MAP3K4: variants seen among roughly 807,000 people sequenced by gnomAD.
MAP3K4 encodes mitogen-activated protein kinase kinase kinase 4.
MAP3K4 carries 67 observed loss-of-function variants against 185.6 expected under a neutral mutation model. The observed-to-expected ratio is 0.36, with a 90% CI of 0.30 to 0.44. MAP3K4 has a LOEUF of 0.44. Ranked by LOEUF, MAP3K4 falls within the 20% of genes least tolerant of loss-of-function variation. The pLI is 1.00. For missense variants in MAP3K4, 1,551 were observed against 1,995.1 expected (o/e 0.78, Z 4.24); for synonymous variants, 702 against 710.4 (o/e 0.99, Z 0.19).
chr6:161,097,098 C>A lies in MAP3K4; in HGVS notation c.3446C>A (p.Pro1149His). 6.2e-7 allele frequency: 1 copy of A among 1,614,096 alleles called. No homozygotes were observed. Among genetic ancestry groups the A allele is most frequent in the Non-Finnish European group, 8.5e-7 (1 of 1,180,004 alleles). ...CTGGCAGCCATTCATCGGAACAGCCCCCGTCCTATGAAGGTACCTCGATGC... is the reference window on the plus strand; with the variant it reads ...CTGGCAGCCATTCATCGGAACAGCCACCGTCCTATGAAGGTACCTCGATGC... ...GLYLAIHRNS[P>H]RPMKVPRCHS... Residue 1149 changes from proline to histidine, a missense_variant, in exon 16 of 27, where the codon CCC becomes CAC. Coordinates refer to ENST00000392142, the MANE Select transcript of MAP3K4 (RefSeq NM_005922.4). This position sits in a 1 kb window ranked among gnomAD's most constrained non-coding sequence, Gnocchi z 4.9.
chr6:161,110,036 T>C lies in MAP3K4; in HGVS notation c.4396+122T>C, dbSNP rs979873980. ...TTTCTCTAGATGGAAATACCTTTCA[T>C]TGAAATACGCCTCTATAAGGATCCT... On this transcript the variant is annotated intron_variant, in intron 23 of 26. Coordinates refer to ENST00000392142, the MANE Select transcript of MAP3K4 (RefSeq NM_005922.4). The surrounding 1 kb of genome is among the most constrained non-coding windows in gnomAD (Gnocchi z 4.8). 3.1e-5 allele frequency: 32 copies of C among 1,021,682 alleles called. No individual in the cohort carries two copies. The highest frequency in any genetic ancestry group is 4.7e-5 in the Non-Finnish European group (32 of 684,968). 63.3% of individuals were successfully genotyped at this position (1,021,682 alleles called of 1,614,324 possible).
chr6:161,073,660 T>G lies in MAP3K4; in HGVS notation c.2097+48T>G. ...TTTTCTTTCTTTCTTTGTTTCTTTT[T>G]TTAAAAAAGTAAGCCTGTATTTCCT... is the stretch of plus-strand genomic sequence containing the variant. On this transcript the variant is annotated intron_variant, in intron 5 of 26. Coordinates refer to ENST00000392142, the MANE Select transcript of MAP3K4 (RefSeq NM_005922.4). This position sits in a 1 kb window ranked among gnomAD's most constrained non-coding sequence, Gnocchi z 4.2. 6.3e-7 allele frequency: 1 copy of G among 1,579,498 alleles called. No individual in the cohort carries two copies. Among genetic ancestry groups the G allele is most frequent in the Non-Finnish European group, 8.6e-7 (1 of 1,163,234 alleles).
In MAP3K4 at chr6:161,049,577, C is replaced by G; in HGVS notation, c.1305C>G (p.Ser435=). The G allele has an allele frequency of 6.2e-7, 1 of 1,614,050 alleles. No homozygotes were observed. Among genetic ancestry groups the G allele is most frequent in the Non-Finnish European group, 8.5e-7 (1 of 1,180,016 alleles). ...PVFEIPSPRP[S]KGNEPEYEGD... ...TTGAAATCCCTTCCCCTCGACCATC[C>G]AAAGGTAATGAGCCGGAGTATGAGG... The change falls in exon 3 of 27, where the codon TCC becomes TCG. Residue 435 remains serine (S), a synonymous_variant. Coordinates refer to ENST00000392142, the MANE Select transcript of MAP3K4 (RefSeq NM_005922.4). This position sits in a 1 kb window ranked among gnomAD's most constrained non-coding sequence, Gnocchi z 8.4.
In MAP3K4 at chr6:160,996,965, C is replaced by T. The variant is rs1355744564; in HGVS notation, c.152+4882C>T. ...GCTTCTGAATGAGAGGCAGTGTGAT[C>T]CAGACTTACTCTTAGGTTTTTATTT... On this transcript the variant is annotated intron_variant, in intron 1 of 26. Transcript: ENST00000392142. The surrounding 1 kb of genome is among the most constrained non-coding windows in gnomAD (Gnocchi z 4.5). Among the ~76,000 whole-genome samples, 2 of 152,300 alleles carry T rather than the reference C, an allele frequency of 1.3e-5. No individual in the cohort carries two copies. The highest frequency in any genetic ancestry group is 4.8e-5 in the African/African-American group (2 of 41,552).
intron 23 of MAP3K4, 48 bp from the exon 24 acceptor site, chr6:161,111,788 C>T (rs1298048581): frequency 4.4e-6 from 7 of 1,595,722 alleles, no homozygotes; most frequent in East Asian, 4.5e-5. Context: ...TAACCTTGCC[C>T]ACATTGTGTT....
In MAP3K4 at chr6:161,080,307, G is replaced by GA. The variant is rs1785388017; in HGVS notation, c.2098-574_2098-573insA. 6.6e-6 allele frequency among the ~76,000 whole-genome samples: 1 copy of GA among 152,176 alleles called. No individual in the cohort carries two copies. Among genetic ancestry groups the GA allele is most frequent in the Non-Finnish European group, 1.5e-5 (1 of 68,042 alleles). ...AAATCTAAAGGAGGATTTAAGAACG[G>GA]GAAAGCTGTTGTAATAGGACTTGTG... is the stretch of plus-strand genomic sequence containing the variant. On this transcript the variant is annotated intron_variant, in intron 5 of 26. Transcript: ENST00000392142. The surrounding 1 kb of genome is among the most constrained non-coding windows in gnomAD (Gnocchi z 4.8).
At chr6:161,083,316 A>T (rs1287252155) in intron 6 of MAP3K4, among the ~76,000 whole-genome samples, 1 of 151,922 alleles carries the variant, frequency 6.6e-6, no homozygotes, top group Admixed American at 6.6e-5. Context: ...TGTTTTATTT[A>T]TTGTGTTTCT....
At chr6:161,021,796 G>A (rs1226681915) in intron 1 of MAP3K4, among the ~76,000 whole-genome samples, 1 of 152,154 alleles carries the variant, frequency 6.6e-6, no homozygotes, top group Non-Finnish European at 1.5e-5. Context: ...ATTGTTGAAT[G>A]AAATAAAGAC....
At position 161,108,556 on chromosome 6, in the gene MAP3K4, A is replaced by G. The variant is rs932272107; in HGVS notation, c.4120-187A>G. ...TCTTCCTCCTCTGTGCCCGGGACCTACCCGCACTTCTATGACTTCACTCTA... is the reference window on the plus strand; with the variant it reads ...TCTTCCTCCTCTGTGCCCGGGACCTGCCCGCACTTCTATGACTTCACTCTA... On this transcript the variant is annotated intron_variant, in intron 21 of 26. Coordinates refer to ENST00000392142, the MANE Select transcript of MAP3K4 (RefSeq NM_005922.4). This position sits in a 1 kb window ranked among gnomAD's most constrained non-coding sequence, Gnocchi z 5.7. Among the ~76,000 whole-genome samples, 5 of 152,148 alleles carry G rather than the reference A, an allele frequency of 3.3e-5. No individual in the cohort carries two copies. Among genetic ancestry groups the G allele is most frequent in the African/African-American group, 1.2e-4 (5 of 41,492 alleles).
At chr6:161,006,439 A>C (rs1328838405) in intron 1 of MAP3K4, among the ~76,000 whole-genome samples, 3 of 152,210 alleles carry the variant, frequency 2.0e-5, no homozygotes, top group Non-Finnish European at 4.4e-5. Flanking sequence ...AATCATATAC[A>C]TAGTAATTAT....
At position 161,087,176 on chromosome 6, in the gene MAP3K4, C is replaced by G. The variant is rs1277731136; in HGVS notation, c.2556+509C>G. 6.6e-6 allele frequency among the ~76,000 whole-genome samples: 1 copy of G among 152,114 alleles called. No homozygotes were observed. The stretch of plus-strand genomic sequence containing the variant: ...TTTATCCCAAGCCCACAGTTGTATC[C>G]CGCTCCCATACTGAGAGTGGGAGGG... On this transcript the variant is annotated intron_variant, in intron 9 of 26. Coordinates refer to ENST00000392142, the MANE Select transcript of MAP3K4 (RefSeq NM_005922.4). This position sits in a 1 kb window ranked among gnomAD's most constrained non-coding sequence, Gnocchi z 4.9.
chr6:161,062,495 G>A (rs1784526799), intron 3 of MAP3K4, among the ~76,000 whole-genome samples: 1 of 152,156 alleles, frequency 6.6e-6, no homozygotes, highest in South Asian at 2.1e-4. Context: ...AGTCTCTTGA[G>A]TCATTCTGGT....
At chr6:161,026,015 G>A (rs11757882) in intron 1 of MAP3K4, among the ~76,000 whole-genome samples, 7,135 of 152,286 alleles carry the variant, frequency 0.047, 212 homozygotes, top group South Asian at 0.089. Flanking sequence ...TTTCATGGTA[G>A]AATGTACCCA....
chr6:161,047,056 T>C (rs1783759933), intron 2 of MAP3K4, among the ~76,000 whole-genome samples: 1 of 146,962 alleles, frequency 6.8e-6, no homozygotes, highest in South Asian at 2.1e-4. Context: ...TAATTGGAAT[T>C]TTTATTTATT....
Position 161,054,785 on chromosome 6 carries a change from A to C in MAP3K4, c.1707+4806A>C, listed in dbSNP as rs1287377206. Among the ~76,000 whole-genome samples the C allele has an allele frequency of 6.6e-6, 1 of 152,232 alleles. No individual in the cohort carries two copies. The highest frequency in any genetic ancestry group is 1.9e-4 in the East Asian group (1 of 5,202). On this transcript the variant is annotated intron_variant, in intron 3 of 26. Coordinates refer to ENST00000392142, the MANE Select transcript of MAP3K4 (RefSeq NM_005922.4). The surrounding 1 kb of genome is among the most constrained non-coding windows in gnomAD (Gnocchi z 4.2). ...GTAAATAAGAGAGTCTCAGATTATC[A>C]AATGAAACTTATTTAAATCCATGTA...
At chr6:161,000,697 C>T (rs1040589511) in intron 1 of MAP3K4, among the ~76,000 whole-genome samples, 1 of 151,894 alleles carries the variant, frequency 6.6e-6, no homozygotes, top group Admixed American at 6.6e-5. Context: ...TATATATACA[C>T]ACATATATGT....
At chr6:161,047,325 A>G (rs1015875103) in intron 2 of MAP3K4, among the ~76,000 whole-genome samples, 1 of 150,914 alleles carries the variant, frequency 6.6e-6, no homozygotes, top group African/African-American at 2.4e-5. Flanking sequence ...CTGTGGTTCT[A>G]GCTACTTGGG....
chr6:161,097,171 A>G lies in MAP3K4; in HGVS notation c.3519A>G (p.Gly1173=). ...NPHLIIPTPE[G]FSTRSMPSDA... is the part of the protein sequence containing the mutation. ...ACCTCATTATCCCCACTCCAGAGGG[A>G]TTCAGGTATTTGGTGCTTATCTAGT... The change falls in exon 16 of 27, where the codon GGA becomes GGG. Residue 1173 remains glycine (G), a synonymous_variant. Transcript: ENST00000392142. This position sits in a 1 kb window ranked among gnomAD's most constrained non-coding sequence, Gnocchi z 4.9. 6.2e-7 allele frequency: 1 copy of G among 1,613,884 alleles called. No individual in the cohort carries two copies. Among genetic ancestry groups the G allele is most frequent in the Non-Finnish European group, 8.5e-7 (1 of 1,179,830 alleles).
At position 161,106,548 on chromosome 6, in the gene MAP3K4, C is replaced by A. The variant is rs1308512066; in HGVS notation, c.3891C>A (p.Ile1297=). Residue 1297 remains isoleucine, a synonymous_variant, in exon 20 of 27, where the codon ATC becomes ATA. Coordinates refer to ENST00000392142, the MANE Select transcript of MAP3K4 (RefSeq NM_005922.4). This position sits in a 1 kb window ranked among gnomAD's most constrained non-coding sequence, Gnocchi z 4.9. The stretch of plus-strand genomic sequence containing the variant: ...CTAAACTAGGACCCATAGAAGCTAT[C>A]CAGAAGTCAGTCCGATTGTTTGAAG... ...TASKLGPIEA[I]QKSVRLFEEK... 6.2e-7 allele frequency: 1 copy of A among 1,612,864 alleles called. No homozygotes were observed. The highest frequency in any genetic ancestry group is 8.5e-7 in the Non-Finnish European group (1 of 1,179,444).
Sources: allele counts gnomAD v4.1 joint callset (sites outside exome capture counted in the v4.1 genomes callset), GRCh38; gene constraint gnomAD v4.1.1; non-coding constraint Gnocchi (gnomAD v3.1); transcripts MANE v1.5; gene names NCBI Gene and HGNC (gene_info 2026-07-23, HGNC 2026-07-21).